The following PTPRH variants were observed in gnomAD, a reference collection of about 807,000 sequenced individuals.
The protein encoded by PTPRH is receptor-type tyrosine-protein phosphatase H.
PTPRH carries 113 observed loss-of-function variants against 130.2 expected under a neutral mutation model. The observed-to-expected ratio is 0.87, with a 90% CI of 0.75 to 1.01. The LOEUF (loss-of-function observed/expected upper bound fraction) is 1.01, where lower values mean the gene tolerates loss of function less well. PTPRH is among the 50% of genes least tolerant of loss of function. PTPRH has a pLI of 0.00. For missense variants in PTPRH, 1,430 were observed against 1,425.0 expected (o/e 1.00, Z -0.06); for synonymous variants, 556 against 577.9 (o/e 0.96, Z 0.54).
chr19:55,186,629 G>C, intron 14 of PTPRH, 89 bp from the exon 15 acceptor site: 1 of 1,256,976 alleles, frequency 8.0e-7, no homozygotes. Flanking sequence ...GAGAGGCACA[G>C]AGACAAGACC....
intron 12 of PTPRH, among the ~76,000 whole-genome samples, chr19:55,190,822 T>A (rs1396751265): frequency 1.3e-5 from 2 of 150,858 alleles, no homozygotes; most frequent in African/African-American, 4.9e-5. Context: ...TCATATTTTT[T>A]ATGATCTTTT....
chr19:55,205,317 G>C lies in PTPRH; in HGVS notation c.619+9C>G. 6.2e-7 allele frequency: 1 copy of C among 1,614,068 alleles called. No homozygotes were observed. Among genetic ancestry groups the C allele is most frequent in the Non-Finnish European group, 8.5e-7 (1 of 1,179,938 alleles). ...AGTAAGAGCAAAACAAATGGCGACT[G>C]CCTCTCACCTGTGGTGGCATTTCGA... On this transcript the variant is annotated intron_variant, in intron 4 of 19. Coordinates refer to ENST00000376350, the MANE Select transcript of PTPRH (RefSeq NM_002842.5).
At chr19:55,194,801 A>G (rs1401864225) in intron 10 of PTPRH, among the ~76,000 whole-genome samples, 2 of 152,088 alleles carry the variant, frequency 1.3e-5, no homozygotes, top group African/African-American at 2.4e-5. Context: ...TCCACACAAA[A>G]CCTATCCACA....
In PTPRH at chr19:55,187,597, A is replaced by G. The variant is rs756332637; in HGVS notation, c.2482T>C (p.Ser828Pro). ...CGFADEYQQL[S>P]LVGHSQSQMV... is the part of the protein sequence containing the mutation. ...TGAGACTGGCTGTGGCCCACCAGGG[A>G]GAGTTGCTGGGGATGCAGGGAGAGG... The change falls in exon 14 of 20, where the codon TCC becomes CCC. Residue 828 changes from serine to proline, a missense_variant. By Grantham distance (74) the Ser-to-Pro change is moderately conservative (BLOSUM62 -1). Transcript: ENST00000376350. The G allele has an allele frequency of 2.1e-5, 34 of 1,611,614 alleles. No homozygotes were observed. The highest frequency in any genetic ancestry group is 1.4e-5 in the Non-Finnish European group (17 of 1,178,410).
Position 55,198,868 on chromosome 19 carries a change from T to G in PTPRH, c.1465A>C (p.Ser489Arg). 1 of 1,559,318 alleles carries G rather than the reference T, an allele frequency of 6.4e-7. No individual in the cohort carries two copies. The highest frequency in any genetic ancestry group is 8.7e-7 in the Non-Finnish European group (1 of 1,149,894). Residue 489 changes from serine (S) to arginine (R), a missense_variant, in exon 8 of 20, where the codon AGC (serine) becomes CGC (arginine). By Grantham distance (110) the Ser-to-Arg change is moderately radical. Transcript: ENST00000376350. The stretch of plus-strand genomic sequence containing the variant: ...GCTGTCCAGCGCAAAGCAATGGTGC[T>G]GTTGGTCCAGTCCTGCTTGCTGAGG... Reference protein sequence around the residue: ...TSLSKQDWTNSTIALRWTAPQ... With the variant: ...TSLSKQDWTNRTIALRWTAPQ...
intron 3 of PTPRH, 36 bp downstream of exon 3, chr19:55,206,653 A>G (rs530234409): frequency 1.9e-6 from 3 of 1,540,944 alleles, no homozygotes; most frequent in East Asian, 2.3e-5. Flanking sequence ...CTGTCCTTAT[A>G]AAAGAAATAA....
rs145975365 is a variant in PTPRH, at chr19:55,196,746, G to A, written c.2033C>T (p.Ala678Val). The stretch of plus-strand genomic sequence containing the variant: ...CCAGATCAAGTTGACTCCATAGCCC[G>A]CTGAGGTGCTGACACAGGAAGTGAT... ...VTITSCVSTS[A>V]GYGVNLIWSC... is the part of the protein sequence containing the mutation. The change falls in exon 10 of 20, where the codon GCG becomes GTG. Residue 678 changes from alanine to valine, a missense_variant. Physicochemically the swap from Ala to Val is moderately conservative, Grantham distance 64. Coordinates refer to ENST00000376350, the MANE Select transcript of PTPRH (RefSeq NM_002842.5). 64 of 1,613,986 alleles carry A rather than the reference G, an allele frequency of 4.0e-5. No homozygotes were observed. The highest frequency in any genetic ancestry group is 3.4e-4 in the South Asian group (31 of 91,080).
intron 4 of PTPRH, 118 bp downstream of exon 4, chr19:55,205,208 G>C: frequency 6.8e-7 from 1 of 1,472,242 alleles, no homozygotes; most frequent in Non-Finnish European, 9.3e-7. Context: ...CCAGGATGTG[G>C]ACATGAGTAC....
intron 12 of PTPRH, among the ~76,000 whole-genome samples, chr19:55,188,454 G>A (rs3803901): frequency 0.29 from 44,546 of 151,982 alleles, 7,062 homozygotes; most frequent in Admixed American, 0.41. Flanking sequence ...CAGAGGTTGT[G>A]GTGAACCGAG....
chr19:55,203,557 G>A (rs1483331105), intron 5 of PTPRH, among the ~76,000 whole-genome samples: 4 of 150,706 alleles, frequency 2.7e-5, no homozygotes, highest in Non-Finnish European at 4.4e-5. Flanking sequence ...GTGGGACCAC[G>A]GGAACACGCC....
intron 7 of PTPRH, among the ~76,000 whole-genome samples, chr19:55,200,016 C>T (rs2086809008): frequency 6.6e-6 from 1 of 152,146 alleles, no homozygotes; most frequent in African/African-American, 2.4e-5. Flanking sequence ...GCCTGTGTCC[C>T]CACAGCCCCA....
At chr19:55,191,629 C>G in intron 11 of PTPRH, 34 bp downstream of exon 11, 1 of 1,612,626 alleles carries the variant, frequency 6.2e-7, no homozygotes, top group Non-Finnish European at 8.5e-7. Flanking sequence ...CCAGCCCCCA[C>G]CCTCCAGGCG....
intron 7 of PTPRH, among the ~76,000 whole-genome samples, 164 bp from the exon 8 acceptor site, chr19:55,199,076 G>A (rs1384398864): frequency 3.3e-5 from 5 of 152,334 alleles, no homozygotes; most frequent in South Asian, 4.1e-4. Context: ...AAGCTAAACC[G>A]GGAGGGTTGC....
At chr19:55,186,019 C>T (rs1001642646) in intron 16 of PTPRH, 35 bp from the exon 17 acceptor site, 3 of 1,613,540 alleles carry the variant, frequency 1.9e-6, no homozygotes, top group African/African-American at 2.7e-5. Context: ...AACACAACTC[C>T]TCTTACCCAG....
intron 11 of PTPRH, 32 bp from the exon 12 acceptor site, chr19:55,191,580 G>T (rs774626992): frequency 6.2e-7 from 1 of 1,613,590 alleles, no homozygotes; most frequent in Non-Finnish European, 8.5e-7. Context: ...GAGAGGCTCA[G>T]GGGGTGAGGC....
chr19:55,194,663 T>C (rs1049394119), intron 10 of PTPRH, among the ~76,000 whole-genome samples: 2 of 152,128 alleles, frequency 1.3e-5, no homozygotes, highest in Admixed American at 1.3e-4. Flanking sequence ...CCCCATTGAT[T>C]ACTGCAAGAT....
At chr19:55,188,508 G>A (rs143974586) in intron 12 of PTPRH, among the ~76,000 whole-genome samples, 4,844 of 152,084 alleles carry the variant, frequency 0.032, 245 homozygotes, top group African/African-American at 0.11. Flanking sequence ...GCGAGACTCC[G>A]TCTCAAAAAA....
intron 9 of PTPRH, 147 bp downstream of exon 9, chr19:55,196,970 C>T (rs2086702656): frequency 1.7e-6 from 2 of 1,191,050 alleles, no homozygotes; most frequent in Non-Finnish European, 2.3e-6. Context: ...ACTACAACTC[C>T]CATGAGGCCT....
chr19:55,186,204 C>G (rs1472279441), intron 16 of PTPRH, 21 bp downstream of exon 16: 15 of 1,600,598 alleles, frequency 9.4e-6, no homozygotes, highest in Non-Finnish European at 1.2e-5. Flanking sequence ...CCAGTCAGCA[C>G]CCAGGACTCA....
Sources: allele counts gnomAD v4.1 joint callset (sites outside exome capture counted in the v4.1 genomes callset), GRCh38; gene constraint gnomAD v4.1.1; transcripts MANE v1.5; gene names NCBI Gene and HGNC (gene_info 2026-07-23, HGNC 2026-07-21).